Variants in CHRM3 observed in about 807,000 individuals in gnomAD.
The protein encoded by CHRM3 is muscarinic acetylcholine receptor M3.
Under a neutral mutation model 41.8 loss-of-function variants are expected in CHRM3, and 11 were observed. The ratio of observed to expected loss-of-function variants is 0.26; its 90% CI spans 0.17 to 0.44. CHRM3 has a LOEUF of 0.44. Ranked by LOEUF, CHRM3 falls within the 20% of genes least tolerant of loss-of-function variation. The pLI is 1.00. For missense variants in CHRM3, 571 were observed against 745.4 expected, an observed-to-expected ratio of 0.77 and a Z score of 2.72; for synonymous variants, 297 against 301.4, an observed-to-expected ratio of 0.99 and a Z score of 0.15.
intron 6 of CHRM3, among the ~76,000 whole-genome samples, chr1:239,838,586 C>G (rs1347274419): frequency 6.6e-6 from 1 of 152,148 alleles, no homozygotes; most frequent in Non-Finnish European, 1.5e-5. Context: ...CAAAGTTTAT[C>G]TTATTGTATA....
intron 5 of CHRM3, among the ~76,000 whole-genome samples, chr1:239,788,065 C>G (rs943206357): frequency 1.3e-5 from 2 of 151,978 alleles, no homozygotes; most frequent in African/African-American, 4.8e-5. Context: ...AGAGATTCCT[C>G]TCTACAACAA....
At chr1:239,416,781 T>A (rs2103075032) in intron 1 of CHRM3, among the ~76,000 whole-genome samples, 1 of 152,302 alleles carries the variant, frequency 6.6e-6, no homozygotes, top group East Asian at 1.9e-4. Context: ...GAAGCCCAGA[T>A]GCCTGCCAGC....
chr1:239,488,688 C>T, intron 1 of CHRM3, among the ~76,000 whole-genome samples: 1 of 124,346 alleles, frequency 8.0e-6, no homozygotes, highest in Non-Finnish European at 1.6e-5. Flanking sequence ...GCACTCCAGC[C>T]TGGATGACAG....
chr1:239,776,086 G>A (rs1478087328), intron 5 of CHRM3, among the ~76,000 whole-genome samples: 2 of 151,926 alleles, frequency 1.3e-5, no homozygotes, highest in Non-Finnish European at 2.9e-5. Context: ...TGCTTTCTTT[G>A]TGTTGTCTTC....
At chr1:239,526,178 T>G (rs2148296370) in intron 2 of CHRM3, among the ~76,000 whole-genome samples, 2 of 152,286 alleles carry the variant, frequency 1.3e-5, no homozygotes, top group African/African-American at 4.8e-5. Context: ...CTGAATCTTC[T>G]CTCATTGCCT....
In CHRM3 at chr1:239,387,161, A is replaced by T. The variant is rs905400824; in HGVS notation, c.-587A>T. On this transcript the variant is annotated 5_prime_UTR_variant, in exon 1 of 7. Coordinates refer to ENST00000676153, the MANE Select transcript of CHRM3 (RefSeq NM_001375978.1). This position sits in a 1 kb window ranked among gnomAD's most constrained non-coding sequence, Gnocchi z 5.1. ...AGGAGACGAAGGGAAGGTGGAGCGG[A>T]CGCCACCCGCGCACCGGGCAGGCGC... The T allele has an allele frequency of 6.6e-6, 1 of 152,152 alleles. No homozygotes were observed. Among genetic ancestry groups the T allele is most frequent in the African/African-American group, 2.4e-5 (1 of 41,402 alleles). The allele number at this position is 152,152 out of a possible 1,614,324, so 9.4% of individuals were successfully genotyped here.
intron 3 of CHRM3, among the ~76,000 whole-genome samples, chr1:239,559,524 G>A (rs560129834): frequency 6.6e-6 from 1 of 152,230 alleles, no homozygotes; most frequent in South Asian, 2.1e-4. Context: ...CCCAAATTCG[G>A]AGGGGCTAAT....
intron 3 of CHRM3, among the ~76,000 whole-genome samples, chr1:239,578,994 G>C (rs570310910): frequency 6.6e-6 from 1 of 152,274 alleles, no homozygotes; most frequent in East Asian, 1.9e-4. Flanking sequence ...TACAATGTAA[G>C]TATCTCACTG....
rs67465048 is a variant in CHRM3 at position 239,662,893 on chromosome 1, CTCTTCTTCT to C, written c.-249-15262_-249-15254del. 4.3e-3 allele frequency among the ~76,000 whole-genome samples: 199 copies of C among 46,398 alleles called. No homozygotes were observed. The South Asian group carries it at 0.044, about 10-fold the overall frequency. The allele number at this position is 46,398 out of a possible 152,430, so 30.4% of individuals were successfully genotyped here. On this transcript the variant is annotated intron_variant, in intron 4 of 6. Coordinates refer to ENST00000676153, the MANE Select transcript of CHRM3 (RefSeq NM_001375978.1). ...TCTCCTCTTTCTCCTCTTCCTCCTC[CTCTTCTTCT>C]TCTTCTTCTTCTTCTTCTTCTTCTT... is the stretch of plus-strand genomic sequence containing the variant.
intron 2 of CHRM3, among the ~76,000 whole-genome samples, chr1:239,499,431 G>T (rs1391801681): frequency 1.3e-5 from 2 of 152,174 alleles, no homozygotes; most frequent in East Asian, 1.9e-4. Context: ...GTTAGGCAAA[G>T]AAAAGACTGT....
chr1:239,756,067 C>A (rs1429396017), intron 5 of CHRM3, among the ~76,000 whole-genome samples: 1 of 152,132 alleles, frequency 6.6e-6, no homozygotes, highest in Non-Finnish European at 1.5e-5. Flanking sequence ...CTCTAGTTTC[C>A]TAAGCTTCCC....
At chr1:239,766,162 T>G (rs895990109) in intron 5 of CHRM3, among the ~76,000 whole-genome samples, 7 of 152,086 alleles carry the variant, frequency 4.6e-5, no homozygotes, top group Non-Finnish European at 1.0e-4. Flanking sequence ...CTGGGAGAGA[T>G]AAGAAAGAAG....
intron 5 of CHRM3, among the ~76,000 whole-genome samples, chr1:239,818,907 G>A (rs1002389624): frequency 8.5e-5 from 13 of 152,114 alleles, no homozygotes; most frequent in South Asian, 2.1e-4. Context: ...GGCCCCTTCC[G>A]ATTGGTTGCT....
At chr1:239,890,155 G>T (rs1363832600) in intron 6 of CHRM3, among the ~76,000 whole-genome samples, 1 of 152,002 alleles carries the variant, frequency 6.6e-6, no homozygotes, top group East Asian at 1.9e-4. Flanking sequence ...TATAAGATTA[G>T]CCAGGCCTGG....
At chr1:239,759,169 G>GTTTTTTT (rs568446013) in intron 5 of CHRM3, among the ~76,000 whole-genome samples, 1 of 102,078 alleles carries the variant, frequency 9.8e-6, no homozygotes, top group Non-Finnish European at 2.0e-5. Flanking sequence ...TTTTTTTTTT[G>GTTTTTTT]TTTTTTTTTT....
intron 1 of CHRM3, among the ~76,000 whole-genome samples, chr1:239,422,614 T>C (rs1034432905): frequency 6.6e-6 from 1 of 151,856 alleles, no homozygotes; most frequent in Non-Finnish European, 1.5e-5. Context: ...GCTAACACAG[T>C]TAAACCCCAT....
intron 5 of CHRM3, among the ~76,000 whole-genome samples, chr1:239,823,646 G>A (rs1166546087): frequency 6.6e-6 from 1 of 151,908 alleles, no homozygotes; most frequent in African/African-American, 2.4e-5. Context: ...TCCTTCAGAA[G>A]CAATTATAAA....
intron 5 of CHRM3, among the ~76,000 whole-genome samples, chr1:239,753,611 C>T (rs1263299704): frequency 2.6e-5 from 4 of 152,090 alleles, no homozygotes; most frequent in Non-Finnish European, 5.9e-5. Context: ...AGGTCCCTTC[C>T]CCAACATTGG....
intron 5 of CHRM3, chr1:239,704,568 C>G (rs1344370270): frequency 6.6e-6 from 1 of 152,102 alleles, no homozygotes; most frequent in Non-Finnish European, 1.5e-5. Context: ...CCCTCTTATG[C>G]AATTTAAGTA....
Sources: allele counts gnomAD v4.1 joint callset (sites outside exome capture counted in the v4.1 genomes callset), GRCh38; gene constraint gnomAD v4.1.1; non-coding constraint Gnocchi (gnomAD v3.1); transcripts MANE v1.5; gene names NCBI Gene and HGNC (gene_info 2026-07-23, HGNC 2026-07-21).